Variants in CHRM3 observed in about 807,000 individuals in gnomAD.
CHRM3 encodes the protein cholinergic receptor muscarinic 3.
In CHRM3, 11 loss-of-function variants were observed where a neutral mutation model predicts 41.8. The observed-to-expected ratio is 0.26, with a 90% CI of 0.17 to 0.44. The LOEUF (loss-of-function observed/expected upper bound fraction) is 0.44, where lower values mean the gene tolerates loss of function less well. Among genes scored for constraint, CHRM3 ranks in the 20% least tolerant of loss-of-function variants. CHRM3 has a pLI of 1.00. For synonymous variants in CHRM3, 297 were observed against 301.4 expected, an observed-to-expected ratio of 0.99 and a Z score of 0.15; for missense variants, 571 against 745.4, an observed-to-expected ratio of 0.77 and a Z score of 2.72.
At chr1:239,595,692 T>G (rs1572845131) in intron 3 of CHRM3, among the ~76,000 whole-genome samples, 1 of 152,176 alleles carries the variant, frequency 6.6e-6, no homozygotes, top group East Asian at 1.9e-4. Context: ...TAGAATTTTC[T>G]TTAGACAAAC....
At chr1:239,407,164 G>A (rs1477558057) in intron 1 of CHRM3, among the ~76,000 whole-genome samples, 1 of 151,948 alleles carries the variant, frequency 6.6e-6, no homozygotes, top group Admixed American at 6.6e-5. Context: ...TTTTCCAGAA[G>A]TCTATATAGC....
intron 5 of CHRM3, among the ~76,000 whole-genome samples, chr1:239,697,448 C>T (rs952390981): frequency 6.6e-6 from 1 of 152,104 alleles, no homozygotes; most frequent in Non-Finnish European, 1.5e-5. Context: ...CTGACTAATA[C>T]AATGTCATAC....
chr1:239,558,704 T>C (rs1025404413), intron 3 of CHRM3, among the ~76,000 whole-genome samples: 3 of 152,232 alleles, frequency 2.0e-5, no homozygotes, highest in Non-Finnish European at 4.4e-5. Flanking sequence ...TCTCTTTTCC[T>C]AGAATGCCTT....
intron 4 of CHRM3, among the ~76,000 whole-genome samples, chr1:239,633,029 G>A (rs1229889285): frequency 1.3e-5 from 2 of 152,236 alleles, no homozygotes; most frequent in Non-Finnish European, 2.9e-5. Context: ...CTGGAGTGCA[G>A]TGGCGCCATC....
intron 2 of CHRM3, among the ~76,000 whole-genome samples, chr1:239,496,450 A>G (rs1667886508): frequency 6.6e-6 from 1 of 151,840 alleles, no homozygotes; most frequent in East Asian, 1.9e-4. Flanking sequence ...ACAATAACTG[A>G]TATAATATCT....
intron 1 of CHRM3, among the ~76,000 whole-genome samples, chr1:239,475,732 A>G (rs1240767537): frequency 6.6e-6 from 1 of 152,206 alleles, no homozygotes; most frequent in African/African-American, 2.4e-5. Flanking sequence ...GGAAACCTGC[A>G]TTATCTTCTC....
intron 1 of CHRM3, among the ~76,000 whole-genome samples, chr1:239,461,528 C>T (rs1665360225): frequency 6.6e-6 from 1 of 151,924 alleles, no homozygotes; most frequent in African/African-American, 2.4e-5. Flanking sequence ...GTGTATCTTC[C>T]TTCTGTTATG....
Position 239,387,209 on chromosome 1 carries a change from C to T in CHRM3, c.-539C>T, listed in dbSNP as rs1658583119. Reference sequence around the variant, plus strand: ...CGCGGAGACCGGCGTGGGACAGCCACCTGGAGCGCAGCTGCCAGGTAGGGA... The same window carrying T: ...CGCGGAGACCGGCGTGGGACAGCCATCTGGAGCGCAGCTGCCAGGTAGGGA... On this transcript the variant is annotated 5_prime_UTR_variant, in exon 1 of 7. Transcript: ENST00000676153. The surrounding 1 kb of genome is among the most constrained non-coding windows in gnomAD (Gnocchi z 5.1). The T allele has an allele frequency of 1.3e-5, 2 of 152,162 alleles. No homozygotes were observed. Among genetic ancestry groups the T allele is most frequent in the East Asian group, 3.9e-4 (2 of 5,134 alleles). 9.4% of individuals were successfully genotyped at this position (152,162 alleles called of 1,614,324 possible).
intron 3 of CHRM3, among the ~76,000 whole-genome samples, chr1:239,548,814 A>G (rs1053262652): frequency 2.0e-5 from 3 of 152,232 alleles, no homozygotes; most frequent in African/African-American, 7.2e-5. Context: ...GATGCACATT[A>G]TGAAGTCTCG....
At chr1:239,514,888 T>C (rs749305474) in intron 2 of CHRM3, among the ~76,000 whole-genome samples, 1 of 152,136 alleles carries the variant, frequency 6.6e-6, no homozygotes, top group South Asian at 2.1e-4. Flanking sequence ...AATGATACCA[T>C]GGTAGAAGTA....
chr1:239,825,668 C>A (rs1265025975), intron 5 of CHRM3, among the ~76,000 whole-genome samples: 1 of 152,156 alleles, frequency 6.6e-6, no homozygotes, highest in Non-Finnish European at 1.5e-5. Flanking sequence ...ATGTAATATA[C>A]ACATACAATG....
At chr1:239,590,662 A>G (rs10754674) in intron 3 of CHRM3, among the ~76,000 whole-genome samples, 118,652 of 152,112 alleles carry the variant, frequency 0.78, 50,593 homozygotes, top group Non-Finnish European at 0.93. Flanking sequence ...TTCATGAGGC[A>G]TTTTAAACTT....
intron 1 of CHRM3, among the ~76,000 whole-genome samples, chr1:239,414,330 C>A (rs548019748): frequency 6.9e-6 from 1 of 144,170 alleles, no homozygotes; most frequent in Admixed American, 6.8e-5. Context: ...AAATGGCCTA[C>A]TTAAAAAAAA....
At chr1:239,554,487 C>T (rs1035490083) in intron 3 of CHRM3, among the ~76,000 whole-genome samples, 11 of 151,554 alleles carry the variant, frequency 7.3e-5, no homozygotes, top group African/African-American at 1.5e-4. Context: ...TGTGCACGCA[C>T]GCAGGCATGC....
chr1:239,487,987 A>G (rs1667296614), intron 1 of CHRM3, among the ~76,000 whole-genome samples: 1 of 152,210 alleles, frequency 6.6e-6, no homozygotes, highest in African/African-American at 2.4e-5. Context: ...GTAATCATGT[A>G]AAACTCAATC....
intron 1 of CHRM3, among the ~76,000 whole-genome samples, chr1:239,394,527 T>C (rs1659314321): frequency 6.6e-6 from 1 of 152,160 alleles, no homozygotes; most frequent in African/African-American, 2.4e-5. Context: ...AACCTGGGGA[T>C]TAGGAGGTGG....
rs185085263 is a variant in CHRM3, at chr1:239,724,190, G to T, written c.-147+45902G>T. Among the ~76,000 whole-genome samples the T allele has an allele frequency of 3.0e-4, 45 of 151,808 alleles. No homozygotes were observed. In the East Asian group the frequency reaches 3.3e-3, roughly 11 times the overall value. On this transcript the variant is annotated intron_variant, in intron 5 of 6. Coordinates refer to ENST00000676153, the MANE Select transcript of CHRM3 (RefSeq NM_001375978.1). Reference sequence around the variant, plus strand: ...ACTTAGGAGGGCATGGACGCATCCTGGCCCTTATAAACCTCCCAGATTTAC... The same window carrying T: ...ACTTAGGAGGGCATGGACGCATCCTTGCCCTTATAAACCTCCCAGATTTAC...
intron 6 of CHRM3, among the ~76,000 whole-genome samples, chr1:239,874,813 C>G (rs190904203): frequency 2.0e-5 from 3 of 152,124 alleles, no homozygotes; most frequent in African/African-American, 7.2e-5. Context: ...ACTGTCCCGC[C>G]TCAGCCTCCC....
At chr1:239,590,595 C>A (rs987797221) in intron 3 of CHRM3, among the ~76,000 whole-genome samples, 1 of 152,086 alleles carries the variant, frequency 6.6e-6, no homozygotes, top group African/African-American at 2.4e-5. Context: ...TCCCCTATCC[C>A]TCTTCTAGCT....
Sources: allele counts gnomAD v4.1 joint callset (sites outside exome capture counted in the v4.1 genomes callset), GRCh38; gene constraint gnomAD v4.1.1; non-coding constraint Gnocchi (gnomAD v3.1); transcripts MANE v1.5; gene names NCBI Gene and HGNC (gene_info 2026-07-23, HGNC 2026-07-21).